RBMS3: variants seen among roughly 807,000 people sequenced by gnomAD.
RBMS3 encodes the protein RNA binding motif single stranded interacting protein 3.
Under a neutral mutation model 66.8 loss-of-function variants are expected in RBMS3, and 27 were observed. That is an observed-to-expected ratio of 0.40 (90% CI 0.30 to 0.56). RBMS3 has a LOEUF of 0.56. Among genes scored for constraint, RBMS3 ranks in the 20% least tolerant of loss-of-function variants. The pLI is 0.40. For synonymous variants in RBMS3, 188 were observed against 183.0 expected (o/e 1.03, Z -0.22); for missense variants, 513 against 549.5 (o/e 0.93, Z 0.66).
intron 3 of RBMS3, among the ~76,000 whole-genome samples, chr3:29,525,365 C>G (rs543365129): frequency 4.4e-4 from 67 of 152,168 alleles, no homozygotes; most frequent in Non-Finnish European, 8.5e-4. Flanking sequence ...TGACTAGGCT[C>G]TGTATCAAAA....
At chr3:29,638,562 CT>C (rs1293671102) in intron 4 of RBMS3, among the ~76,000 whole-genome samples, 4 of 151,936 alleles carry the variant, frequency 2.6e-5, no homozygotes, top group Admixed American at 2.0e-4. Flanking sequence ...AGCTCAGAAA[CT>C]TTTGATGAGT....
At chr3:29,405,497 T>C (rs962239031) in intron 1 of RBMS3, among the ~76,000 whole-genome samples, 54 of 152,186 alleles carry the variant, frequency 3.5e-4, no homozygotes, top group African/African-American at 1.3e-3. Context: ...CAGGGTACAT[T>C]ATTTTCATAG....
At chr3:29,972,914 A>G (rs1251973027) in intron 12 of RBMS3, among the ~76,000 whole-genome samples, 2 of 152,056 alleles carry the variant, frequency 1.3e-5, no homozygotes, top group Non-Finnish European at 2.9e-5. Context: ...TGTCTTTTTG[A>G]TGAAGTCCCT....
At chr3:29,703,500 A>G (rs116413199) in intron 4 of RBMS3, among the ~76,000 whole-genome samples, 1,772 of 152,350 alleles carry the variant, frequency 0.012, 38 homozygotes, top group African/African-American at 0.04. Flanking sequence ...GGAACTTTCT[A>G]TCTTAGTACA....
intron 1 of RBMS3, among the ~76,000 whole-genome samples, chr3:29,303,732 A>C (rs1001968683): frequency 6.6e-6 from 1 of 152,020 alleles, no homozygotes; most frequent in Non-Finnish European, 1.5e-5. Context: ...TTCATTAATT[A>C]ATAAAGGGGA....
intron 12 of RBMS3, among the ~76,000 whole-genome samples, chr3:29,951,363 GA>G (rs1393595048): frequency 1.3e-5 from 2 of 151,764 alleles, no homozygotes; most frequent in African/African-American, 4.8e-5. Flanking sequence ...ATGATTTTTA[GA>G]ATTCACAGGA....
chr3:29,599,432 GA>G lies in RBMS3; in HGVS notation c.399+12235del, dbSNP rs555497058. On this transcript the variant is annotated intron_variant, in intron 4 of 14. Coordinates refer to ENST00000383767, the MANE Select transcript of RBMS3 (RefSeq NM_001003793.3). ...AAGATAAATCTAAAAAAAGAAAATA[GA>G]AAAAAAAGTGAGTGGCGGTCTAACA... is the stretch of plus-strand genomic sequence containing the variant. Among the ~76,000 whole-genome samples the G allele has an allele frequency of 4.7e-5, 7 of 150,362 alleles. No homozygotes were observed. In the South Asian group the frequency reaches 1.0e-3, roughly 23 times the overall value.
At chr3:29,428,076 C>A (rs563243283) in intron 1 of RBMS3, among the ~76,000 whole-genome samples, 1 of 152,066 alleles carries the variant, frequency 6.6e-6, no homozygotes, top group Non-Finnish European at 1.5e-5. Flanking sequence ...CGAAGTTGAA[C>A]TTTGGTTTGG....
At chr3:29,887,325 A>G (rs2059895057) in intron 8 of RBMS3, among the ~76,000 whole-genome samples, 1 of 151,826 alleles carries the variant, frequency 6.6e-6, no homozygotes, top group African/African-American at 2.4e-5. Flanking sequence ...TCTAATTGTC[A>G]TCCTCATAAT....
At chr3:29,825,161 A>G (rs1310522251) in intron 6 of RBMS3, among the ~76,000 whole-genome samples, 1 of 151,120 alleles carries the variant, frequency 6.6e-6, no homozygotes, top group Non-Finnish European at 1.5e-5. Flanking sequence ...TCAGCCTCCC[A>G]AGTAGCTGGG....
At chr3:29,542,009 GA>G (rs997191868) in intron 3 of RBMS3, among the ~76,000 whole-genome samples, 3 of 152,062 alleles carry the variant, frequency 2.0e-5, no homozygotes, top group Non-Finnish European at 2.9e-5. Flanking sequence ...TTTTCCCCTT[GA>G]AAATTATCAC....
intron 4 of RBMS3, among the ~76,000 whole-genome samples, chr3:29,734,671 CAA>C (rs2054300465): frequency 6.6e-6 from 1 of 151,990 alleles, no homozygotes; most frequent in Non-Finnish European, 1.5e-5. Flanking sequence ...CAGTTCTACT[CAA>C]AGTTTGTTAC....
Position 29,534,337 on chromosome 3 carries a change from CATGCCTCCAAA to C in RBMS3, c.307+45841_307+45851del, listed in dbSNP as rs1228372313. Among the ~76,000 whole-genome samples the C allele has an allele frequency of 2.0e-5, 3 of 152,332 alleles. No individual in the cohort carries two copies. In the East Asian group the frequency reaches 5.8e-4, roughly 29 times the overall value. The stretch of plus-strand genomic sequence containing the variant: ...GAAAGAGAGTAATAGCCAGATACGT[CATGCCTCCAAA>C]ATTGGTAACTGAAGTGGCTTTCCCT... On this transcript the variant is annotated intron_variant, in intron 3 of 14. Coordinates refer to ENST00000383767, the MANE Select transcript of RBMS3 (RefSeq NM_001003793.3).
At chr3:29,920,077 A>T (rs1404616412) in intron 10 of RBMS3, among the ~76,000 whole-genome samples, 1 of 152,084 alleles carries the variant, frequency 6.6e-6, no homozygotes, top group Non-Finnish European at 1.5e-5. Context: ...CGCAGGTCTG[A>T]CTCAAGGGAA....
At chr3:29,780,665 CTATT>C (rs2056600309) in intron 6 of RBMS3, among the ~76,000 whole-genome samples, 1 of 152,044 alleles carries the variant, frequency 6.6e-6, no homozygotes, top group African/African-American at 2.4e-5. Context: ...AAAAATTAAT[CTATT>C]CTTTTCACAT....
intron 5 of RBMS3, among the ~76,000 whole-genome samples, chr3:29,747,760 A>T (rs1410438437): frequency 6.6e-6 from 1 of 152,188 alleles, no homozygotes; most frequent in Non-Finnish European, 1.5e-5. Flanking sequence ...AAAAGGCAAC[A>T]TTCGTTTGGT....
chr3:29,783,336 T>A (rs1435569021), intron 6 of RBMS3, among the ~76,000 whole-genome samples: 1 of 152,158 alleles, frequency 6.6e-6, no homozygotes, highest in Non-Finnish European at 1.5e-5. Context: ...ACCTATCAGA[T>A]TAACAGCAGA....
At chr3:29,712,440 G>T (rs1559596638) in intron 4 of RBMS3, among the ~76,000 whole-genome samples, 2 of 152,016 alleles carry the variant, frequency 1.3e-5, no homozygotes, top group Non-Finnish European at 2.9e-5. Flanking sequence ...AGCCTCCCAA[G>T]TAGCTCGGGC....
intron 4 of RBMS3, among the ~76,000 whole-genome samples, chr3:29,595,008 A>G (rs1219113916): frequency 6.6e-6 from 1 of 152,212 alleles, no homozygotes; most frequent in Non-Finnish European, 1.5e-5. Flanking sequence ...AAAATCAACA[A>G]AAGAATTGCC....
Sources: allele counts gnomAD v4.1 joint callset (sites outside exome capture counted in the v4.1 genomes callset), GRCh38; gene constraint gnomAD v4.1.1; transcripts MANE v1.5; gene names NCBI Gene and HGNC (gene_info 2026-07-23, HGNC 2026-07-21).